TPP2: variants seen among roughly 807,000 people sequenced by gnomAD.
TPP2 encodes the protein tripeptidyl peptidase 2.
Under a neutral mutation model 155.9 loss-of-function variants are expected in TPP2, and 34 were observed. That is an observed-to-expected ratio of 0.22 (90% CI 0.17 to 0.29). The LOEUF is 0.29. TPP2 is among the 10% of genes least tolerant of loss of function. The pLI, the probability that TPP2 is intolerant of heterozygous loss-of-function variation, is 1.00. For missense variants in TPP2, 1,028 were observed against 1,522.3 expected, an observed-to-expected ratio of 0.68 and a Z score of 5.40; for synonymous variants, 510 against 529.4, an observed-to-expected ratio of 0.96 and a Z score of 0.50.
chr13:102,652,412 A>C (rs1439188447), intron 24 of TPP2, among the ~76,000 whole-genome samples: 1 of 8,414 alleles, frequency 1.2e-4, no homozygotes, highest in Non-Finnish European at 1.9e-4. Context: ...ATATATATAT[A>C]TATATATATA....
intron 5 of TPP2, among the ~76,000 whole-genome samples, chr13:102,622,461 A>T (rs1881234644): frequency 6.6e-6 from 1 of 152,240 alleles, no homozygotes; most frequent in South Asian, 2.1e-4. Context: ...GCTCAGTAAA[A>T]TTCACCTAGT....
At chr13:102,676,199 G>T in intron 28 of TPP2, 97 bp from the exon 29 acceptor site, 2 of 1,176,640 alleles carry the variant, frequency 1.7e-6, no homozygotes, top group Non-Finnish European at 1.2e-6. Flanking sequence ...CATTTCAAAA[G>T]CTACACTTCT....
intron 13 of TPP2, 48 bp from the exon 14 acceptor site, chr13:102,637,034 A>G: frequency 6.5e-7 from 1 of 1,541,682 alleles, no homozygotes. Flanking sequence ...TTAAATGGAA[A>G]AAAGGAAAAA....
At chr13:102,664,362 G>A (rs190645903) in intron 26 of TPP2, among the ~76,000 whole-genome samples, 189 of 152,284 alleles carry the variant, frequency 1.2e-3, no homozygotes, top group Non-Finnish European at 2.6e-3. Context: ...TTTCATGATG[G>A]ATCAGAAAGA....
chr13:102,655,059 CA>C, intron 24 of TPP2: 1 of 489,630 alleles, frequency 2.0e-6, no homozygotes, highest in Non-Finnish European at 4.1e-6. Flanking sequence ...GGGAGAATGA[CA>C]GCCAGTGGCT....
intron 8 of TPP2, among the ~76,000 whole-genome samples, 188 bp from the exon 9 acceptor site, chr13:102,629,294 G>A (rs1881857885): frequency 6.6e-6 from 1 of 152,014 alleles, no homozygotes; most frequent in Admixed American, 6.5e-5. Context: ...CGTTTAATTT[G>A]GCCTTATAAC....
At chr13:102,630,255 G>T in intron 10 of TPP2, 60 bp downstream of exon 10, 4 of 1,264,210 alleles carry the variant, frequency 3.2e-6, no homozygotes, top group Non-Finnish European at 4.5e-6. Context: ...ACACTGTTGA[G>T]AAGGGCAGAG....
Position 102,648,429 on chromosome 13 carries a change from C to CACGTGTGT in TPP2, c.2629-478_2629-477insACGTGTGT, listed in dbSNP as rs375310900. On this transcript the variant is annotated intron_variant, in intron 21 of 29. Coordinates refer to ENST00000376052, the MANE Select transcript of TPP2 (RefSeq NM_001330588.2). ...GGATTACCAGTAGTCATAAGTTACA[C>CACGTGTGT]GTGTGTGTGTGTGTGTGTGTGTGTG... 3.4e-5 allele frequency among the ~76,000 whole-genome samples: 5 copies of CACGTGTGT among 148,068 alleles called. No individual in the cohort carries two copies. In the East Asian group the frequency reaches 1.0e-3, roughly 30 times the overall value.
intron 2 of TPP2, among the ~76,000 whole-genome samples, chr13:102,612,878 C>T (rs1176323255): frequency 2.6e-5 from 4 of 152,230 alleles, no homozygotes; most frequent in African/African-American, 9.6e-5. Flanking sequence ...TTCATTTAAT[C>T]TTTTGGCATT....
chr13:102,607,031 C>T (rs1047659614), intron 2 of TPP2, among the ~76,000 whole-genome samples: 3 of 152,164 alleles, frequency 2.0e-5, no homozygotes, highest in African/African-American at 4.8e-5. Flanking sequence ...AGAGCTCTCT[C>T]TAGAGCAAGC....
At chr13:102,665,320 A>G (rs1884520529) in intron 27 of TPP2, among the ~76,000 whole-genome samples, 1 of 152,258 alleles carries the variant, frequency 6.6e-6, no homozygotes, top group South Asian at 2.1e-4. Flanking sequence ...GGTTTGTAAT[A>G]ATTACATGAC....
chr13:102,649,316 AG>A (rs1218354608), intron 22 of TPP2, 91 bp from the exon 23 acceptor site: 130 of 1,457,590 alleles, frequency 8.9e-5, no homozygotes, highest in Non-Finnish European at 1.2e-4. Flanking sequence ...GAATGAATTC[AG>A]TGTGGAATTG....
chr13:102,660,885 A>C (rs893389945), intron 25 of TPP2, among the ~76,000 whole-genome samples: 2 of 152,196 alleles, frequency 1.3e-5, no homozygotes, highest in Non-Finnish European at 2.9e-5. Flanking sequence ...AAGACCATTT[A>C]ATGAGGAAAG....
Position 102,604,827 on chromosome 13 carries a change from T to C in TPP2, c.200T>C (p.Ile67Thr), listed in dbSNP as rs759643720. Residue 67 changes from isoleucine (I) to threonine (T), a missense_variant, in exon 2 of 30, where the codon ATC (isoleucine) becomes ACC (threonine). Transcript: ENST00000376052. ...TTDGKPKIVD[I>T]IDTTGSGDVN... Reference sequence around the variant, plus strand: ...GATGGAAAACCAAAAATCGTTGATATCATTGATACAACAGGAAGTGGCGAT... The same window carrying C: ...GATGGAAAACCAAAAATCGTTGATACCATTGATACAACAGGAAGTGGCGAT... The C allele has an allele frequency of 3.2e-5, 51 of 1,612,816 alleles. No homozygotes were observed. The highest frequency in any genetic ancestry group is 4.2e-5 in the Non-Finnish European group (49 of 1,179,752).
chr13:102,672,734 A>T (rs1885059401), intron 27 of TPP2, among the ~76,000 whole-genome samples: 1 of 152,162 alleles, frequency 6.6e-6, no homozygotes, highest in Non-Finnish European at 1.5e-5. Context: ...GGCATCTAAG[A>T]GGAGGGGGAA....
Position 102,647,358 on chromosome 13 carries a change from G to A in TPP2, c.2628+14G>A. ...TATCCACATCAGGTATAAAATTGAT[G>A]GTGATTTTTAGAATTAACGGAAGCT... On this transcript the variant is annotated intron_variant, in intron 21 of 29. Transcript: ENST00000376052. The A allele has an allele frequency of 6.2e-7, 1 of 1,602,834 alleles. No individual in the cohort carries two copies. The highest frequency in any genetic ancestry group is 8.5e-7 in the Non-Finnish European group (1 of 1,175,198).
intron 27 of TPP2, among the ~76,000 whole-genome samples, chr13:102,669,023 G>T (rs573269646): frequency 1.8e-4 from 28 of 152,312 alleles, no homozygotes; most frequent in African/African-American, 3.6e-4. Context: ...AAGAGGACCT[G>T]AGGGGGTGTG....
chr13:102,676,441 T>C, intron 29 of TPP2, 26 bp downstream of exon 29: 1 of 1,603,510 alleles, frequency 6.2e-7, no homozygotes. Context: ...AATGTCACTG[T>C]TAAGCATCAC....
rs117588445 is a variant in TPP2 at position 102,618,327 on chromosome 13, A to G, written c.496-395A>G. On this transcript the variant is annotated intron_variant, in intron 4 of 29. Transcript: ENST00000376052. ...AATTTGAGATAGAATAGGTCCTGATATAAAAATCTAAAAGTCAATAGATAA... is the reference window on the plus strand; with the variant it reads ...AATTTGAGATAGAATAGGTCCTGATGTAAAAATCTAAAAGTCAATAGATAA... 2.7e-3 allele frequency among the ~76,000 whole-genome samples: 408 copies of G among 152,350 alleles called. 3 individuals are homozygous for G. Among genetic ancestry groups the G allele is most frequent in the Middle Eastern group, 6.8e-3 (2 of 294 alleles).
Sources: gnomAD v4.1 joint callset for allele counts (sites outside exome capture counted in the v4.1 genomes callset) on GRCh38, gnomAD v4.1.1 for gene constraint, MANE v1.5 for transcripts, NCBI Gene and HGNC (gene_info 2026-07-23, HGNC 2026-07-21) for gene names.